MDGA2: variants seen among roughly 807,000 people sequenced by gnomAD.
The protein encoded by MDGA2 is MAM domain-containing glycosylphosphatidylinositol anchor protein 2.
MDGA2 carries 40 observed loss-of-function variants against 117.8 expected under a neutral mutation model. That is an observed-to-expected ratio of 0.34 (90% CI 0.26 to 0.44). MDGA2 has a LOEUF of 0.44. MDGA2 is among the 20% of genes least tolerant of loss of function. The probability of loss-of-function intolerance (pLI) is 1.00; values close to 1 mark genes in which losing one functional copy is unlikely to be tolerated. For synonymous variants in MDGA2, 452 were observed against 439.0 expected (o/e 1.03, Z -0.37); for missense variants, 1,123 against 1,250.6 (o/e 0.90, Z 1.54).
intron 8 of MDGA2, among the ~76,000 whole-genome samples, chr14:46,966,641 C>T (rs144958238): frequency 6.6e-6 from 1 of 152,096 alleles, no homozygotes; most frequent in East Asian, 1.9e-4. Flanking sequence ...ATAATCTATA[C>T]AAGTGTTTGT....
rs564862831 is a variant in MDGA2 at position 47,265,433 on chromosome 14, T to G, written c.420+35978A>C. On this transcript the variant is annotated intron_variant, in intron 2 of 16. Transcript: ENST00000399232. ...ATCAAGATTTAATAATATATGTATCTCCATGATAGCAAAATTCATATTTTA... is the reference window on the plus strand; with the variant it reads ...ATCAAGATTTAATAATATATGTATCGCCATGATAGCAAAATTCATATTTTA... 2.2e-4 allele frequency among the ~76,000 whole-genome samples: 33 copies of G among 152,200 alleles called. No homozygotes were observed. The South Asian group carries it at 6.4e-3, about 30-fold the overall frequency.
chr14:47,600,317 C>T (rs1351565239), intron 1 of MDGA2, among the ~76,000 whole-genome samples: 1 of 151,368 alleles, frequency 6.6e-6, no homozygotes, highest in African/African-American at 2.4e-5. Context: ...ACCTGCAATC[C>T]CAGCTACTAG....
intron 1 of MDGA2, among the ~76,000 whole-genome samples, chr14:47,450,821 T>C (rs1258239080): frequency 6.6e-6 from 1 of 152,148 alleles, no homozygotes; most frequent in Middle Eastern, 3.2e-3. Flanking sequence ...GATTGGAATT[T>C]ATAATAAAGG....
intron 2 of MDGA2, among the ~76,000 whole-genome samples, chr14:47,268,520 A>G (rs975936562): frequency 6.6e-6 from 1 of 152,214 alleles, no homozygotes; most frequent in Non-Finnish European, 1.5e-5. Flanking sequence ...AACAATAGTC[A>G]GGACTAGAAT....
At chr14:47,422,341 T>C (rs1022737334) in intron 1 of MDGA2, among the ~76,000 whole-genome samples, 1 of 152,020 alleles carries the variant, frequency 6.6e-6, no homozygotes, top group African/African-American at 2.4e-5. Flanking sequence ...TGAATAAGAG[T>C]GGCAGACCTC....
chr14:47,466,611 G>A (rs184638348), intron 1 of MDGA2, among the ~76,000 whole-genome samples: 6 of 152,126 alleles, frequency 3.9e-5, no homozygotes, highest in Admixed American at 2.6e-4. Context: ...ACTTGATGCC[G>A]CCTTTCAACT....
intron 5 of MDGA2, among the ~76,000 whole-genome samples, chr14:47,116,174 A>C (rs191440123): frequency 9.9e-5 from 15 of 152,192 alleles, no homozygotes; most frequent in African/African-American, 3.6e-4. Flanking sequence ...ATAACACCAA[A>C]AAAATTAAAT....
At chr14:46,971,464 C>T (rs1011373797) in intron 8 of MDGA2, among the ~76,000 whole-genome samples, 1 of 152,028 alleles carries the variant, frequency 6.6e-6, no homozygotes, top group African/African-American at 2.4e-5. Context: ...CACAGAAAGA[C>T]AAATACCACA....
intron 3 of MDGA2, among the ~76,000 whole-genome samples, chr14:47,174,740 C>A (rs982676423): frequency 6.6e-6 from 1 of 151,566 alleles, no homozygotes; most frequent in African/African-American, 2.4e-5. Flanking sequence ...TTAAAAGAGC[C>A]AGAAAAGCAA....
chr14:47,351,242 C>T (rs544502149), intron 1 of MDGA2, among the ~76,000 whole-genome samples: 1 of 151,944 alleles, frequency 6.6e-6, no homozygotes, highest in African/African-American at 2.4e-5. Context: ...CCACCATGCC[C>T]CGCTAATTTT....
intron 2 of MDGA2, among the ~76,000 whole-genome samples, chr14:47,260,278 C>A (rs1440514538): frequency 6.6e-6 from 1 of 152,080 alleles, no homozygotes; most frequent in East Asian, 1.9e-4. Flanking sequence ...TTTTCGTATA[C>A]AGACAGCTTT....
intron 1 of MDGA2, among the ~76,000 whole-genome samples, chr14:47,603,000 T>C (rs974759977): frequency 6.6e-5 from 10 of 152,114 alleles, no homozygotes; most frequent in Admixed American, 3.3e-4. Flanking sequence ...GTAGAGCCTA[T>C]ATAGGACTTC....
chr14:47,635,384 T>C (rs916730007), intron 1 of MDGA2, among the ~76,000 whole-genome samples: 3 of 152,124 alleles, frequency 2.0e-5, no homozygotes, highest in Non-Finnish European at 4.4e-5. Flanking sequence ...TATGATATCA[T>C]CAATTTATTC....
chr14:47,350,952 C>T (rs1017332654), intron 1 of MDGA2, among the ~76,000 whole-genome samples: 5 of 152,204 alleles, frequency 3.3e-5, no homozygotes, highest in African/African-American at 4.8e-5. Context: ...CGCTGCAACA[C>T]CCAGGCTGGA....
intron 1 of MDGA2, among the ~76,000 whole-genome samples, chr14:47,522,940 A>T (rs1894899725): frequency 6.6e-6 from 1 of 152,176 alleles, no homozygotes; most frequent in Non-Finnish European, 1.5e-5. Flanking sequence ...AATCAAGGTA[A>T]ATGGGGCCAT....
At chr14:47,346,822 C>T (rs990441262) in intron 1 of MDGA2, among the ~76,000 whole-genome samples, 1 of 152,082 alleles carries the variant, frequency 6.6e-6, no homozygotes, top group Non-Finnish European at 1.5e-5. Flanking sequence ...AGCATATAAT[C>T]CATGAACAAT....
intron 12 of MDGA2, 100 bp downstream of exon 12, chr14:46,877,389 C>A: frequency 1.6e-6 from 1 of 627,532 alleles, no homozygotes; most frequent in Non-Finnish European, 2.6e-6. Flanking sequence ...TGTTTTAAAC[C>A]AACTAAGAAT....
At position 46,874,116 on chromosome 14, in the gene MDGA2, C is replaced by T; in HGVS notation, c.2522G>A (p.Ser841Asn). The T allele has an allele frequency of 6.4e-7, 1 of 1,554,952 alleles. No homozygotes were observed. Among genetic ancestry groups the T allele is most frequent in the Non-Finnish European group, 8.7e-7 (1 of 1,152,142 alleles). Reference protein sequence around the residue: ...DTDNFDWTKQSTATRNTKYTP... With the variant: ...DTDNFDWTKQNTATRNTKYTP... ...ATATTTTGTATTTCTTGTTGCTGTA[C>T]TTTGCTTTGTCCAGTCAAAATTATC... Residue 841 changes from serine (S) to asparagine (N), a missense_variant, in exon 13 of 17, where the codon AGT (serine) becomes AAT (asparagine). Around this residue, in one of 2 missense-constraint regions of MDGA2, gnomAD observed 890 missense variants for 1,050.3 expected, o/e 0.85. Coordinates refer to ENST00000399232, the MANE Select transcript of MDGA2 (RefSeq NM_001113498.3).
intron 3 of MDGA2, among the ~76,000 whole-genome samples, chr14:47,154,004 G>A (rs1376257729): frequency 6.6e-6 from 1 of 152,122 alleles, no homozygotes; most frequent in Non-Finnish European, 1.5e-5. Context: ...AAAACATGGA[G>A]AGATTAATGG....
Sources: allele counts gnomAD v4.1 joint callset (sites outside exome capture counted in the v4.1 genomes callset), GRCh38; gene constraint gnomAD v4.1.1; regional missense constraint gnomAD v4.1.1; transcripts MANE v1.5; gene names NCBI Gene and HGNC (gene_info 2026-07-23, HGNC 2026-07-21).